MYOM1: variants seen among roughly 807,000 people sequenced by gnomAD.
MYOM1 encodes myomesin-1.
Under a neutral mutation model 205.3 loss-of-function variants are expected in MYOM1, and 164 were observed. That is an observed-to-expected ratio of 0.80 (90% CI 0.70 to 0.91). The LOEUF (loss-of-function observed/expected upper bound fraction) is 0.91, where lower values mean the gene tolerates loss of function less well. MYOM1 is among the 40% of genes least tolerant of loss of function. MYOM1 has a pLI of 0.00. For missense variants in MYOM1, 2,011 were observed against 2,127.3 expected (o/e 0.95, Z 1.08); for synonymous variants, 772 against 789.4 (o/e 0.98, Z 0.37).
intron 36 of MYOM1, among the ~76,000 whole-genome samples, chr18:3,072,349 G>GTTTTTTTTT (rs1428461658): frequency 5.0e-5 from 3 of 60,144 alleles, no homozygotes; most frequent in South Asian, 5.9e-4. Flanking sequence ...ACCGCACCCG[G>GTTTTTTTTT]CTTTTTTTTT....
rs2144258785 is a variant in MYOM1 at position 3,214,939 on chromosome 18, G to A, written c.285C>T (p.Ser95=). The change falls in exon 2 of 38, where the codon TCC becomes TCT. Residue 95 remains serine, a synonymous_variant. Coordinates refer to ENST00000356443, the MANE Select transcript of MYOM1 (RefSeq NM_003803.4). ...KAASAYDYGS[S]HGLTDSSLLL... ...GAGGAGGGCGTCCGACATACCCATG[G>A]GAGGAGCCATAATCGTAGGCTGAGG... 6.3e-7 allele frequency: 1 copy of A among 1,595,560 alleles called. No individual in the cohort carries two copies. Among genetic ancestry groups the A allele is most frequent in the East Asian group, 2.2e-5 (1 of 44,558 alleles).
At chr18:3,122,030 A>C (rs986785302) in intron 19 of MYOM1, among the ~76,000 whole-genome samples, 4 of 152,180 alleles carry the variant, frequency 2.6e-5, no homozygotes, top group Non-Finnish European at 5.9e-5. Flanking sequence ...GAGGCACGGG[A>C]ATTGTTTGAA....
At chr18:3,151,165 CTAATA>C (rs1338976981) in intron 12 of MYOM1, among the ~76,000 whole-genome samples, 4 of 151,814 alleles carry the variant, frequency 2.6e-5, no homozygotes, top group African/African-American at 4.8e-5. Context: ...TTTTGACAGT[CTAATA>C]TGAGAACTCA....
In MYOM1 at chr18:3,067,498, T is replaced by C. The variant is rs1227875747; in HGVS notation, c.4822A>G (p.Lys1608Glu). 6.2e-7 allele frequency: 1 copy of C among 1,613,856 alleles called. No individual in the cohort carries two copies. Among genetic ancestry groups the C allele is most frequent in the Non-Finnish European group, 8.5e-7 (1 of 1,179,898 alleles). ...TCTGAGGCCAGGGCCTTCTCGTTCTTCAACCACGACACCTCCGGAGGCGGG... is the reference window on the plus strand; with the variant it reads ...TCTGAGGCCAGGGCCTTCTCGTTCTCCAACCACGACACCTCCGGAGGCGGG... The part of the protein sequence containing the change: ...GDPPPEVSWL[K>E]NEKALASDDH... The change falls in exon 38 of 38, where the codon AAG becomes GAG. Residue 1608 changes from lysine to glutamate, a missense_variant. By Grantham distance (56) the Lys-to-Glu change is moderately conservative. Transcript: ENST00000356443.
At chr18:3,096,905 G>T (rs1361530634) in intron 25 of MYOM1, among the ~76,000 whole-genome samples, 2 of 152,066 alleles carry the variant, frequency 1.3e-5, no homozygotes, top group Non-Finnish European at 2.9e-5. Flanking sequence ...GATAGACTAA[G>T]TCGATTTCTA....
chr18:3,084,748 G>A (rs1253176095), intron 31 of MYOM1, among the ~76,000 whole-genome samples: 1 of 152,084 alleles, frequency 6.6e-6, no homozygotes, highest in Non-Finnish European at 1.5e-5. Context: ...AGAAGTTTTT[G>A]AGCCTGGAAC....
At chr18:3,073,631 C>T (rs2078986526) in intron 36 of MYOM1, among the ~76,000 whole-genome samples, 2 of 152,192 alleles carry the variant, frequency 1.3e-5, no homozygotes, top group Non-Finnish European at 2.9e-5. Context: ...ACAAGGGTTG[C>T]ATTAGACCTG....
chr18:3,155,438 A>C (rs184781261), intron 10 of MYOM1, among the ~76,000 whole-genome samples: 2 of 152,122 alleles, frequency 1.3e-5, no homozygotes, highest in Non-Finnish European at 2.9e-5. Flanking sequence ...GTTAGCCAGG[A>C]TGGTCTTGAT....
intron 16 of MYOM1, among the ~76,000 whole-genome samples, chr18:3,133,659 T>C (rs2079909643): frequency 6.6e-6 from 1 of 152,138 alleles, no homozygotes; most frequent in Non-Finnish European, 1.5e-5. Flanking sequence ...CAGAATCTAA[T>C]ATCACGTTGC....
chr18:3,135,577 T>C lies in MYOM1; in HGVS notation c.2179A>G (p.Thr727Ala), dbSNP rs115382168. The change falls in exon 15 of 38, where the codon ACG becomes GCG. Residue 727 changes from threonine (T) to alanine (A), a missense_variant. Physicochemically the swap from Thr to Ala is moderately conservative, Grantham distance 58. Transcript: ENST00000356443. The surrounding 1 kb of genome is among the most constrained non-coding windows in gnomAD (Gnocchi z 4.1). ...TTGTCCCCTACCACAGTCACCTCCG[T>C]TGCCTCTGAGGGCTCACCAACTCCT... ...SAGVGEPSEA[T>A]EVTVVGDKLD... 1,200 of 1,613,766 alleles carry C rather than the reference T, an allele frequency of 7.4e-4. 3 individuals carry two copies. In the African/African-American group the frequency reaches 0.01, roughly 13 times the overall value.
intron 12 of MYOM1, among the ~76,000 whole-genome samples, chr18:3,151,401 G>T (rs2080218862): frequency 6.7e-6 from 1 of 149,042 alleles, no homozygotes; most frequent in South Asian, 2.1e-4. Flanking sequence ...ACAATGCCTG[G>T]AACTCAGTTT....
chr18:3,113,521 C>T (rs112579068), intron 21 of MYOM1, among the ~76,000 whole-genome samples: 2,498 of 151,684 alleles, frequency 0.016, 61 homozygotes, highest in African/African-American at 0.055. Flanking sequence ...TTTATAGATA[C>T]GGGATTTCTC....
intron 19 of MYOM1, among the ~76,000 whole-genome samples, chr18:3,123,827 A>ATTTTT (rs5822739): frequency 6.8e-6 from 1 of 147,380 alleles, no homozygotes. Flanking sequence ...ATTTTTATTT[A>ATTTTT]TTTATTTTTT....
chr18:3,163,409 G>A lies in MYOM1; in HGVS notation c.1501+869C>T, dbSNP rs553194112. 2.0e-5 allele frequency among the ~76,000 whole-genome samples: 3 copies of A among 152,210 alleles called. No homozygotes were observed. In the South Asian group the frequency reaches 6.2e-4, roughly 32 times the overall value. On this transcript the variant is annotated intron_variant, in intron 10 of 37. Coordinates refer to ENST00000356443, the MANE Select transcript of MYOM1 (RefSeq NM_003803.4). ...CATGGTCTGGAAAATGGTGACTTTT[G>A]AGTTGGTGCCCTCAGGGCTCACCTT...
chr18:3,124,102 G>A (rs1204871326), intron 19 of MYOM1, among the ~76,000 whole-genome samples: 1 of 151,328 alleles, frequency 6.6e-6, no homozygotes, highest in Non-Finnish European at 1.5e-5. Context: ...CTCCCAAAGT[G>A]CTGAGACTAC....
Position 3,179,656 on chromosome 18 carries a change from A to G in MYOM1, c.930-3522T>C, listed in dbSNP as rs2080700855. ...AGCAGCTTCAGACAGCTGTCTCAAC[A>G]TGGCTCGAGCAGACAGGACTATCTG... On this transcript the variant is annotated intron_variant, in intron 5 of 37. Coordinates refer to ENST00000356443, the MANE Select transcript of MYOM1 (RefSeq NM_003803.4). The surrounding 1 kb of genome is among the most constrained non-coding windows in gnomAD (Gnocchi z 4.4). Among the ~76,000 whole-genome samples the G allele has an allele frequency of 6.6e-6, 1 of 152,132 alleles. No homozygotes were observed. Among genetic ancestry groups the G allele is most frequent in the South Asian group, 2.1e-4 (1 of 4,826 alleles).
chr18:3,102,763 C>T (rs1404563692), intron 22 of MYOM1, 133 bp from the exon 23 acceptor site: 5 of 847,268 alleles, frequency 5.9e-6, no homozygotes, highest in African/African-American at 3.4e-5. Flanking sequence ...CTTCACTACT[C>T]ATGCAGGTGG....
chr18:3,184,817 G>A (rs1003420208), intron 5 of MYOM1, among the ~76,000 whole-genome samples: 3 of 152,218 alleles, frequency 2.0e-5, no homozygotes, highest in African/African-American at 7.2e-5. Context: ...GAGCACTAAC[G>A]GAGGTGCAGG....
At chr18:3,246,017 G>C in the MYOM1 span, 1 of 152,204 alleles carries the variant, frequency 6.6e-6, no homozygotes, top group East Asian at 1.9e-4. Context: ...ACAGTGCTTG[G>C]CAATGCGGTT....
Sources: allele counts gnomAD v4.1 joint callset (sites outside exome capture counted in the v4.1 genomes callset), GRCh38; gene constraint gnomAD v4.1.1; non-coding constraint Gnocchi (gnomAD v3.1); transcripts MANE v1.5; gene names NCBI Gene and HGNC (gene_info 2026-07-23, HGNC 2026-07-21).